The following UTRN variants were observed in gnomAD, a reference collection of about 807,000 sequenced individuals.
The protein encoded by UTRN is utrophin.
A neutral mutation model predicts 463.9 loss-of-function variants in UTRN; 283 were observed. The ratio of observed to expected loss-of-function variants is 0.61; its 90% CI spans 0.55 to 0.67. UTRN has a LOEUF of 0.67. Ranked by LOEUF, UTRN falls within the 30% of genes least tolerant of loss-of-function variation. The probability of loss-of-function intolerance (pLI) is 0.00; values close to 1 mark genes in which losing one functional copy is unlikely to be tolerated. For missense variants in UTRN, 3,922 were observed against 4,084.3 expected (o/e 0.96, Z 1.08); for synonymous variants, 1,442 against 1,431.5 (o/e 1.01, Z -0.17).
At chr6:144,352,840 A>T (rs1179391284) in intron 2 of UTRN, among the ~76,000 whole-genome samples, 1 of 152,222 alleles carries the variant, frequency 6.6e-6, no homozygotes, top group African/African-American at 2.4e-5. Flanking sequence ...GGTGTTTTAT[A>T]ATGAATCATT....
intron 2 of UTRN, among the ~76,000 whole-genome samples, chr6:144,373,309 T>C (rs1338448186): frequency 6.6e-6 from 1 of 152,218 alleles, no homozygotes; most frequent in East Asian, 1.9e-4. Flanking sequence ...AATATGGTCA[T>C]TTCATATAAT....
chr6:144,314,443 G>C (rs1490012921), intron 2 of UTRN, among the ~76,000 whole-genome samples: 1 of 152,226 alleles, frequency 6.6e-6, no homozygotes, highest in Non-Finnish European at 1.5e-5. Context: ...ACAACTTGTT[G>C]ATGGGAAATG....
chr6:144,334,364 T>A (rs1256824822), intron 2 of UTRN, among the ~76,000 whole-genome samples: 1 of 152,000 alleles, frequency 6.6e-6, no homozygotes, highest in East Asian at 1.9e-4. Flanking sequence ...GATTAGTAGC[T>A]TCTGTGAAGA....
At chr6:144,341,181 C>A (rs867845367) in intron 2 of UTRN, among the ~76,000 whole-genome samples, 1 of 152,132 alleles carries the variant, frequency 6.6e-6, no homozygotes, top group South Asian at 2.1e-4. Context: ...AGAGTATAGC[C>A]TTGGGACATG....
Position 144,459,265 on chromosome 6 carries a change from A to G in UTRN, c.2618A>G (p.Asp873Gly). ...SALMSQPSAPDFVQRGFDSFL... is the reference protein window; with the variant it reads ...SALMSQPSAPGFVQRGFDSFL... ...CTGATGTCTCAGCCTTCTGCCCCAG[A>G]TTTTGTCCAGCGGGGCTTCGATAGC... Residue 873 changes from aspartate to glycine, a missense_variant, in exon 21 of 75, where the codon GAT becomes GGT. Around this residue, in one of 3 missense-constraint regions of UTRN, gnomAD observed 2,349 missense variants for 2,303.8 expected, o/e 1.02. Coordinates refer to ENST00000367545, the MANE Select transcript of UTRN (RefSeq NM_007124.3). The G allele has an allele frequency of 1.2e-6, 2 of 1,614,000 alleles. No homozygotes were observed. The highest frequency in any genetic ancestry group is 2.2e-5 in the East Asian group (1 of 44,864).
chr6:144,423,491 T>C (rs1002268031), intron 4 of UTRN, 58 bp from the exon 5 acceptor site: 7 of 1,528,882 alleles, frequency 4.6e-6, no homozygotes, highest in Non-Finnish European at 6.3e-6. Flanking sequence ...AGTGCTAGTG[T>C]TAGTCAGGCA....
intron 58 of UTRN, among the ~76,000 whole-genome samples, chr6:144,771,089 C>G (rs1793951642): frequency 6.6e-6 from 1 of 152,184 alleles, no homozygotes; most frequent in Non-Finnish European, 1.5e-5. Context: ...TAATCTACAT[C>G]TGTTTAACAG....
Position 144,421,917 on chromosome 6 carries a change from A to G in UTRN, c.181A>G (p.Lys61Glu), listed in dbSNP as rs770980494. 8.1e-6 allele frequency: 13 copies of G among 1,613,008 alleles called. No homozygotes were observed. In the Admixed American group the frequency reaches 8.3e-5, roughly 10 times the overall value. Residue 61 changes from lysine to glutamate, a missense_variant, in exon 4 of 75, where the codon AAA (lysine) becomes GAA (glutamate). Lys to Glu is a moderately conservative substitution (Grantham distance 56, BLOSUM62 1). Around this residue, in one of 3 missense-constraint regions of UTRN, gnomAD observed 264 missense variants for 327.9 expected, o/e 0.81. Coordinates refer to ENST00000367545, the MANE Select transcript of UTRN (RefSeq NM_007124.3). Reference protein sequence around the residue: ...PPINDMFTDLKDGRKLLDLLE... With the variant: ...PPINDMFTDLEDGRKLLDLLE... Reference sequence around the variant, plus strand: ...CATCAATGATATGTTCACAGACCTCAAAGATGGAAGGAAGCTATTGGATCT... The same window carrying G: ...CATCAATGATATGTTCACAGACCTCGAAGATGGAAGGAAGCTATTGGATCT...
chr6:144,662,445 A>G (rs1779965808), intron 51 of UTRN, among the ~76,000 whole-genome samples: 1 of 152,238 alleles, frequency 6.6e-6, no homozygotes, highest in Admixed American at 6.5e-5. Context: ...CAGCCATTCT[A>G]CACGCAGAGG....
At chr6:144,803,922 T>G (rs2128747577) in intron 65 of UTRN, among the ~76,000 whole-genome samples, 1 of 152,154 alleles carries the variant, frequency 6.6e-6, no homozygotes, top group African/African-American at 2.4e-5. Context: ...TCAAAATAGG[T>G]TTATCCCAAT....
In UTRN at chr6:144,491,091, G is replaced by A. The variant is rs1381730787; in HGVS notation, c.4426G>A (p.Asp1476Asn). Residue 1476 changes from aspartate to asparagine, a missense_variant, in exon 32 of 75, where the codon GAC becomes AAC. By Grantham distance (23) the Asp-to-Asn change is conservative. Transcript: ENST00000367545. ...VDPDVIQTHL[D>N]KCMKLYKTLS... ...CCCTGACGTCATACAGACGCACCTGGACAAGTGTATGGTGAGGCTTTTGGG... is the reference window on the plus strand; with the variant it reads ...CCCTGACGTCATACAGACGCACCTGAACAAGTGTATGGTGAGGCTTTTGGG... 6.2e-7 allele frequency: 1 copy of A among 1,606,524 alleles called. No individual in the cohort carries two copies. The highest frequency in any genetic ancestry group is 1.1e-5 in the South Asian group (1 of 89,632).
At chr6:144,441,006 G>C (rs1187909859) in intron 13 of UTRN, among the ~76,000 whole-genome samples, 1 of 152,144 alleles carries the variant, frequency 6.6e-6, no homozygotes, top group Non-Finnish European at 1.5e-5. Context: ...CTGCGCCCAT[G>C]AATCAATTAC....
chr6:144,840,322 A>T (rs1035348930), intron 72 of UTRN, among the ~76,000 whole-genome samples: 1 of 151,124 alleles, frequency 6.6e-6, no homozygotes, highest in Non-Finnish European at 1.5e-5. Context: ...TTGTGGCAGG[A>T]TAAGCTGGCC....
chr6:144,530,756 A>T (rs1462357152), intron 41 of UTRN, among the ~76,000 whole-genome samples: 3 of 151,670 alleles, frequency 2.0e-5, no homozygotes, highest in African/African-American at 7.3e-5. Context: ...GTGAGTGTGT[A>T]TGTGAGTGTG....
intron 2 of UTRN, among the ~76,000 whole-genome samples, chr6:144,400,712 G>A (rs1782867044): frequency 6.6e-6 from 1 of 152,128 alleles, no homozygotes; most frequent in South Asian, 2.1e-4. Flanking sequence ...GAGAATGAAT[G>A]CGGAAGTGTG....
intron 29 of UTRN, among the ~76,000 whole-genome samples, chr6:144,488,076 A>G (rs1454037910): frequency 6.6e-6 from 1 of 152,246 alleles, no homozygotes; most frequent in Non-Finnish European, 1.5e-5. Flanking sequence ...CCAGGTTGTA[A>G]CATACATATT....
intron 51 of UTRN, among the ~76,000 whole-genome samples, chr6:144,593,212 A>G (rs1433628742): frequency 6.6e-6 from 1 of 152,218 alleles, no homozygotes; most frequent in Non-Finnish European, 1.5e-5. Flanking sequence ...ATGCACAAAC[A>G]AAGCAACAAA....
At chr6:144,299,771 T>C (rs1238675082) in intron 2 of UTRN, among the ~76,000 whole-genome samples, 2 of 152,240 alleles carry the variant, frequency 1.3e-5, no homozygotes, top group East Asian at 3.9e-4. Context: ...GACAGACGTG[T>C]TTTTGAATCA....
intron 51 of UTRN, among the ~76,000 whole-genome samples, chr6:144,645,806 T>C (rs1162498840): frequency 6.6e-6 from 1 of 152,096 alleles, no homozygotes; most frequent in Non-Finnish European, 1.5e-5. Context: ...GTTCTGACTC[T>C]GGCAAAAAGT....
Sources: gnomAD v4.1 joint callset for allele counts (sites outside exome capture counted in the v4.1 genomes callset) on GRCh38, gnomAD v4.1.1 for gene constraint, gnomAD v4.1.1 regional missense constraint, MANE v1.5 for transcripts, NCBI Gene and HGNC (gene_info 2026-07-23, HGNC 2026-07-21) for gene names.